The following PER3 variants were observed in gnomAD, a reference collection of about 807,000 sequenced individuals.
The protein encoded by PER3 is period circadian protein homolog 3.
In PER3, 107 loss-of-function variants were observed where a neutral mutation model predicts 127.2. The ratio of observed to expected loss-of-function variants is 0.84; its 90% CI spans 0.72 to 0.99. The LOEUF (loss-of-function observed/expected upper bound fraction) is 0.99, where lower values mean the gene tolerates loss of function less well. PER3 is among the 50% of genes least tolerant of loss of function. PER3 has a pLI of 0.00. For missense variants in PER3, 1,560 were observed against 1,525.8 expected (o/e 1.02, Z -0.37); for synonymous variants, 618 against 585.8 (o/e 1.05, Z -0.79).
rs146636069 is a variant in PER3 at position 7,827,394 on chromosome 1, A to G, written c.2465A>G (p.Tyr822Cys). ...GCCGCGACCTCACCCGGAAGAGAAT[A>G]CGCAGCCCCCGGAACTGCACCGGAA... ...LPAATSPGRE[Y>C]AAPGTAPEGL... The change falls in exon 18 of 22, where the codon TAC (tyrosine) becomes TGC (cysteine). Residue 822 changes from tyrosine (Y) to cysteine (C), a missense_variant. Tyr to Cys is a radical substitution (Grantham distance 194, BLOSUM62 -2). Coordinates refer to ENST00000377532, the MANE Select transcript of PER3 (RefSeq NM_001377275.1). 75 of 1,614,032 alleles carry G rather than the reference A, an allele frequency of 4.6e-5. No individual in the cohort carries two copies. Among genetic ancestry groups the G allele is most frequent in the Admixed American group, 3.3e-5 (2 of 60,012 alleles).
At position 7,827,689 on chromosome 1, in the gene PER3, G is replaced by T; in HGVS notation, c.2760G>T (p.Glu920Asp). 8.1e-6 allele frequency: 13 copies of T among 1,614,174 alleles called. No individual in the cohort carries two copies. Among genetic ancestry groups the T allele is most frequent in the Non-Finnish European group, 1.1e-5 (13 of 1,180,028 alleles). ...AGGAAAAGTGGGAGGCACAAAGCGAGGGGCACCCGTTCATTACTTCGAGAA... is the reference window on the plus strand; with the variant it reads ...AGGAAAAGTGGGAGGCACAAAGCGATGGGCACCCGTTCATTACTTCGAGAA... ...REEEKWEAQS[E>D]GHPFITSRSS... Residue 920 changes from glutamate to aspartate, a missense_variant, in exon 18 of 22, where the codon GAG (glutamate) becomes GAT (aspartate). Physicochemically the swap from Glu to Asp is conservative, Grantham distance 45. This residue lies in a region of PER3 where 1,332 missense variants were observed against 1,223.6 expected (regional missense o/e 1.09). Transcript: ENST00000377532.
chr1:7,816,485 G>T (rs1280456090), intron 13 of PER3, among the ~76,000 whole-genome samples: 2 of 152,162 alleles, frequency 1.3e-5, no homozygotes, highest in African/African-American at 4.8e-5. Flanking sequence ...GTTATATCCA[G>T]TGTACATAAA....
Position 7,798,668 on chromosome 1 carries a change from A to C in PER3, c.788A>C (p.Tyr263Ser). 6.2e-7 allele frequency: 1 copy of C among 1,613,302 alleles called. No homozygotes were observed. The highest frequency in any genetic ancestry group is 8.5e-7 in the Non-Finnish European group (1 of 1,179,216). ...GTGGTTGAAAAGATTCACTCTGGTT[A>C]TGAAGGTAAGTCAGTAGATAAGATG... ...LTVVEKIHSGYEAPRIPVNKR... is the reference protein window; with the variant it reads ...LTVVEKIHSGSEAPRIPVNKR... The change falls in exon 7 of 22, where the codon TAT becomes TCT. Residue 263 changes from tyrosine to serine, a missense_variant. Coordinates refer to ENST00000377532, the MANE Select transcript of PER3 (RefSeq NM_001377275.1).
chr1:7,831,667 A>G (rs763188887), intron 19 of PER3, among the ~76,000 whole-genome samples: 14 of 152,200 alleles, frequency 9.2e-5, no homozygotes, highest in Non-Finnish European at 1.8e-4. Flanking sequence ...TGAGATAATC[A>G]TGTGGTTTTC....
At chr1:7,799,610 CAAAAAAAAAA>C (rs759699006) in intron 7 of PER3, among the ~76,000 whole-genome samples, 1 of 93,254 alleles carries the variant, frequency 1.1e-5, no homozygotes, top group African/African-American at 4.0e-5. Flanking sequence ...AACTCTGTCT[CAAAAAAAAAA>C]AAAAAAAAAA....
At chr1:7,785,233 T>TGG (rs1269438168) in intron 2 of PER3, among the ~76,000 whole-genome samples, 1 of 152,068 alleles carries the variant, frequency 6.6e-6, no homozygotes, top group Non-Finnish European at 1.5e-5. Context: ...GGGGCTCAAG[T>TGG]GGATTAAGGG....
rs2097169063 is a variant in PER3, at chr1:7,801,143, TCAC to T, written c.831_833del (p.Thr278del). 1.2e-6 allele frequency: 2 copies of T among 1,609,922 alleles called. No homozygotes were observed. Among genetic ancestry groups the T allele is most frequent in the Non-Finnish European group, 1.7e-6 (2 of 1,177,620 alleles). ...CGGATCCCAGTGAATAAAAGAATCTTCACCACCACACACACCCCAGGGTGTGTT... is the reference window on the plus strand; with the variant it reads ...CGGATCCCAGTGAATAAAAGAATCTTCACCACACACACCCCAGGGTGTGTT... On this transcript the variant is annotated inframe_deletion, in exon 8 of 22. Transcript: ENST00000377532.
Position 7,819,230 on chromosome 1 carries a change from G to A in PER3, c.1523-55G>A, listed in dbSNP as rs1173632716. 44 of 1,504,138 alleles carry A rather than the reference G, an allele frequency of 2.9e-5. 3 individuals are homozygous for A. The South Asian group carries it at 3.9e-4, about 13-fold the overall frequency. The allele number at this position is 1,504,138 out of a possible 1,614,324, so 93.2% of individuals were successfully genotyped here. ...ATTTAATTTTGGTAAGAAAGTATATGTTCTTAATTACATGCTGGGTACTTT... is the reference window on the plus strand; with the variant it reads ...ATTTAATTTTGGTAAGAAAGTATATATTCTTAATTACATGCTGGGTACTTT... On this transcript the variant is annotated intron_variant, in intron 13 of 21. Coordinates refer to ENST00000377532, the MANE Select transcript of PER3 (RefSeq NM_001377275.1).
chr1:7,824,080 C>G (rs531053440), intron 16 of PER3, among the ~76,000 whole-genome samples: 1 of 152,276 alleles, frequency 6.6e-6, no homozygotes, highest in Non-Finnish European at 1.5e-5. Flanking sequence ...ATTTCCAAAT[C>G]GATACTGAAA....
At chr1:7,811,918 G>T (rs747823392) in intron 13 of PER3, among the ~76,000 whole-genome samples, 45 of 152,064 alleles carry the variant, frequency 3.0e-4, no homozygotes, top group Non-Finnish European at 5.0e-4. Context: ...ACATGTAAGG[G>T]CACAAGATAG....
intron 14 of PER3, 89 bp downstream of exon 14, chr1:7,819,509 GCT>G: frequency 1.7e-6 from 2 of 1,198,774 alleles, no homozygotes; most frequent in Non-Finnish European, 1.2e-6. Flanking sequence ...TTTAATAGCT[GCT>G]CTGACTTGGT....
intron 6 of PER3, 101 bp downstream of exon 6, chr1:7,794,109 A>G (rs575815080): frequency 1.1e-6 from 1 of 948,906 alleles, no homozygotes; most frequent in African/African-American, 1.6e-5. Flanking sequence ...TTCTGTTGCG[A>G]GATACAAAAA....
intron 10 of PER3, among the ~76,000 whole-genome samples, chr1:7,806,248 G>A (rs1010744275): frequency 2.0e-5 from 3 of 152,118 alleles, no homozygotes; most frequent in Non-Finnish European, 4.4e-5. Context: ...AGCACTGCAG[G>A]CAAGCAGGTC....
chr1:7,798,554 G>A lies in PER3; in HGVS notation c.674G>A (p.Cys225Tyr), dbSNP rs2097156060. The change falls in exon 7 of 22, where the codon TGT becomes TAT. Residue 225 changes from cysteine to tyrosine, a missense_variant. Cys to Tyr is a radical substitution (Grantham distance 194, BLOSUM62 -2). Transcript: ENST00000377532. ...RGGEDRKQEK[C>Y]HSPFRIIPYL... ...GGTGAAGACAGAAAGCAAGAGAAGT[G>A]TCACTCCCCATTCCGGATCATCCCC... The A allele has an allele frequency of 6.2e-7, 1 of 1,613,614 alleles. No individual in the cohort carries two copies. Among genetic ancestry groups the A allele is most frequent in the African/African-American group, 1.3e-5 (1 of 74,886 alleles).
intron 20 of PER3, 37 bp from the exon 21 acceptor site, chr1:7,836,962 A>C (rs2097361531): frequency 1.9e-6 from 3 of 1,570,912 alleles, no homozygotes; most frequent in South Asian, 2.3e-5. Flanking sequence ...CCTGTGTCTT[A>C]TTCAGGACTA....
intron 3 of PER3, 26 bp from the exon 4 acceptor site, chr1:7,786,695 C>T (rs1183681849): frequency 3.4e-6 from 4 of 1,161,130 alleles, no homozygotes; most frequent in South Asian, 2.4e-5. Context: ...CACTGGACTA[C>T]CTGTTTATCT....
At position 7,842,655 on chromosome 1, in the gene PER3, T is replaced by C. The variant is rs146934739; in HGVS notation, c.3550-17T>C. 348 of 1,613,040 alleles carry C rather than the reference T, an allele frequency of 2.2e-4. 6 individuals are homozygous for C. The East Asian group carries it at 7.4e-3, about 34-fold the overall frequency. On this transcript the variant is annotated splice_polypyrimidine_tract_variant and intron_variant, in intron 21 of 21. Coordinates refer to ENST00000377532, the MANE Select transcript of PER3 (RefSeq NM_001377275.1). ...CATTGACATCAAGTAACTCGCCTGC[T>C]TTGTTCTTTTTTGGAGGCCTGTGTC...
intron 19 of PER3, among the ~76,000 whole-genome samples, chr1:7,832,781 C>T (rs2097338918): frequency 6.6e-6 from 1 of 151,266 alleles, no homozygotes. Context: ...TGAGATTTTT[C>T]CCCCCCAATA....
At chr1:7,818,681 A>G (rs1261877743) in intron 13 of PER3, among the ~76,000 whole-genome samples, 3 of 152,362 alleles carry the variant, frequency 2.0e-5, no homozygotes, top group South Asian at 2.1e-4. Context: ...ACATGTGGCA[A>G]TTTAAATTCA....
Sources: gnomAD v4.1 joint callset for allele counts (sites outside exome capture counted in the v4.1 genomes callset) on GRCh38, gnomAD v4.1.1 for gene constraint, gnomAD v4.1.1 regional missense constraint, MANE v1.5 for transcripts, NCBI Gene and HGNC (gene_info 2026-07-23, HGNC 2026-07-21) for gene names.